Variants in GPX7 observed in about 807,000 individuals in gnomAD.
GPX7 encodes the protein glutathione peroxidase 7, also known as protein peroxidase GPX7.
A neutral mutation model predicts 23.7 loss-of-function variants in GPX7; 21 were observed. The ratio of observed to expected loss-of-function variants is 0.89; its 90% confidence interval spans 0.63 to 1.28. GPX7 has a LOEUF of 1.28. Ranked by LOEUF, GPX7 falls within the 50% of genes most tolerant of loss-of-function variation. The probability of loss-of-function intolerance (pLI) is 0.00; values close to 1 mark genes in which losing one functional copy is unlikely to be tolerated. For missense variants in GPX7, 238 were observed against 237.3 expected, an observed-to-expected ratio of 1.00 and a Z score of -0.02; for synonymous variants, 112 against 101.8, an observed-to-expected ratio of 1.10 and a Z score of -0.61.
rs1180847051 is a variant in GPX7, at chr1:52,609,020, G to A, written c.*595G>A. The A allele has an allele frequency of 1.3e-5, 2 of 152,216 alleles. No individual in the cohort carries two copies. The highest frequency in any genetic ancestry group is 2.9e-5 in the Non-Finnish European group (2 of 68,030). The allele number at this position is 152,216 out of a possible 1,614,324, so 9.4% of individuals were successfully genotyped here. On this transcript the variant is annotated 3_prime_UTR_variant, in exon 3 of 3. Coordinates refer to ENST00000361314, the MANE Select transcript of GPX7 (RefSeq NM_015696.5). The stretch of plus-strand genomic sequence containing the variant: ...TGTAACAATCCAAACAATACCTCAC[G>A]ATATAAAATAAAAATGAAAGTATCC...
chr1:52,603,170 T>C (rs1690820347), intron 1 of GPX7, among the ~76,000 whole-genome samples: 1 of 152,116 alleles, frequency 6.6e-6, no homozygotes, highest in Non-Finnish European at 1.5e-5. Context: ...TCCGGGGTCC[T>C]CTCTAGGCCA....
At chr1:52,607,971 T>C (rs1690872555) in intron 2 of GPX7, among the ~76,000 whole-genome samples, 1 of 152,124 alleles carries the variant, frequency 6.6e-6, no homozygotes. Flanking sequence ...GTGTAGACTA[T>C]TCAGTAGTTC....
In GPX7 at chr1:52,608,320, A is replaced by T. The variant is rs1690876343; in HGVS notation, c.459A>T (p.Gly153=). Residue 153 remains glycine (G), a synonymous_variant, in exon 3 of 3, where the codon GGA becomes GGT. Coordinates refer to ENST00000361314, the MANE Select transcript of GPX7 (RefSeq NM_015696.5). The part of the protein sequence containing the change: ...NFWKYLVAPD[G]KVVGAWDPTV... ...GGAAGTACCTAGTAGCCCCAGATGGAAAGGTGGTAGGGGCTTGGGACCCAA... is the reference window on the plus strand; with the variant it reads ...GGAAGTACCTAGTAGCCCCAGATGGTAAGGTGGTAGGGGCTTGGGACCCAA... 2 of 1,613,910 alleles carry T rather than the reference A, an allele frequency of 1.2e-6. No individual in the cohort carries two copies. Among genetic ancestry groups the T allele is most frequent in the Non-Finnish European group, 1.7e-6 (2 of 1,179,890 alleles).
intron 1 of GPX7, 32 bp from the exon 2 acceptor site, chr1:52,606,652 G>A: frequency 6.2e-7 from 1 of 1,601,114 alleles, no homozygotes; most frequent in Admixed American, 1.7e-5. Context: ...TGGCTTGTCT[G>A]GGCTTTGTTT....
Position 52,606,929 on chromosome 1 carries a change from C to T in GPX7, c.384C>T (p.Ala128=). The T allele has an allele frequency of 1.2e-6, 2 of 1,614,160 alleles. No homozygotes were observed. The highest frequency in any genetic ancestry group is 1.1e-5 in the South Asian group (1 of 91,080). The change falls in exon 2 of 3, where the codon GCC becomes GCT. Residue 128 remains alanine, a synonymous_variant. Transcript: ENST00000361314. ...TCACCGGTACTGGTGCCCATCCTGC[C>T]TTCAAGTACCTGGCCCGTAAGTCCT... is the stretch of plus-strand genomic sequence containing the variant. ...IAVTGTGAHP[A]FKYLAQTSGK... is the part of the protein sequence containing the mutation.
intron 1 of GPX7, 95 bp from the exon 2 acceptor site, chr1:52,606,589 G>T: frequency 7.3e-7 from 1 of 1,374,782 alleles, no homozygotes; most frequent in South Asian, 1.3e-5. Context: ...TAACTGTTGA[G>T]GGAGTCACAT....
chr1:52,602,593 T>G, intron 1 of GPX7, 46 bp downstream of exon 1: 1 of 1,304,994 alleles, frequency 7.7e-7, no homozygotes, highest in Non-Finnish European at 1.0e-6. Flanking sequence ...GGCCTCGCCC[T>G]GGCGGGGCCT....
rs769186923 is a variant in GPX7, at chr1:52,602,490, C to T, written c.81C>T (p.Asp27=). ...ACAQQEQDFY[D]FKAVNIRGKL... is the part of the protein sequence containing the mutation. Reference sequence around the variant, plus strand: ...CGCAGCAGGAGCAGGACTTCTACGACTTCAAGGCGGTCAACATCCGGGGCA... The same window carrying T: ...CGCAGCAGGAGCAGGACTTCTACGATTTCAAGGCGGTCAACATCCGGGGCA... The change falls in exon 1 of 3, where the codon GAC becomes GAT. Residue 27 remains aspartate (D), a synonymous_variant. Transcript: ENST00000361314. The T allele has an allele frequency of 1.9e-6, 3 of 1,561,178 alleles. No individual in the cohort carries two copies. The South Asian group carries it at 3.5e-5, about 18-fold the overall frequency.
intron 1 of GPX7, among the ~76,000 whole-genome samples, chr1:52,606,438 T>C (rs1690852537): frequency 6.6e-6 from 1 of 152,226 alleles, no homozygotes; most frequent in South Asian, 2.1e-4. Context: ...GATGTTCATG[T>C]ATGTGTGCAC....
chr1:52,608,153 G>A, intron 2 of GPX7, 109 bp from the exon 3 acceptor site: 1 of 988,624 alleles, frequency 1.0e-6, no homozygotes, highest in South Asian at 1.6e-5. Context: ...CTGGGGTGTG[G>A]ACTGGGCATC....
intron 1 of GPX7, among the ~76,000 whole-genome samples, chr1:52,604,981 GT>G (rs546227536): frequency 6.5e-4 from 98 of 150,104 alleles, no homozygotes; most frequent in African/African-American, 2.2e-3. Flanking sequence ...GGAGGTGGAG[GT>G]TGCAGTGAGC....
chr1:52,603,611 GTT>G (rs1558075201), intron 1 of GPX7, among the ~76,000 whole-genome samples: 1 of 152,166 alleles, frequency 6.6e-6, no homozygotes, highest in Non-Finnish European at 1.5e-5. Context: ...CCAGCGTCCA[GTT>G]TTGGATGAAC....
In GPX7 at chr1:52,604,914, G is replaced by A. The variant is rs1690838912; in HGVS notation, c.139-1770G>A. On this transcript the variant is annotated intron_variant, in intron 1 of 2. Coordinates refer to ENST00000361314, the MANE Select transcript of GPX7 (RefSeq NM_015696.5). ...ACAAAAATTAGCTGGGCATGGTGGC[G>A]TGTGCCTGTAATCCCAGCTACTCAG... is the stretch of plus-strand genomic sequence containing the variant. 7.2e-5 allele frequency among the ~76,000 whole-genome samples: 11 copies of A among 151,932 alleles called. No individual in the cohort carries two copies. In the South Asian group the frequency reaches 1.7e-3, roughly 23 times the overall value.
chr1:52,602,518 C>G lies in GPX7; in HGVS notation c.109C>G (p.Leu37Val), dbSNP rs535171478. The change falls in exon 1 of 3, where the codon CTG (leucine) becomes GTG (valine). Residue 37 changes from leucine to valine, a missense_variant. Physicochemically the swap from Leu to Val is conservative, Grantham distance 32 (BLOSUM62 1). Coordinates refer to ENST00000361314, the MANE Select transcript of GPX7 (RefSeq NM_015696.5). ...CAAGGCGGTCAACATCCGGGGCAAACTGGTGTCGCTGGAGAAGTACCGCGG... is the reference window on the plus strand; with the variant it reads ...CAAGGCGGTCAACATCCGGGGCAAAGTGGTGTCGCTGGAGAAGTACCGCGG... ...DFKAVNIRGK[L>V]VSLEKYRGSV... The G allele has an allele frequency of 6.4e-7, 1 of 1,564,282 alleles. No homozygotes were observed. The highest frequency in any genetic ancestry group is 8.6e-7 in the Non-Finnish European group (1 of 1,159,486).
intron 1 of GPX7, among the ~76,000 whole-genome samples, chr1:52,603,696 G>T (rs953484917): frequency 6.6e-6 from 1 of 152,178 alleles, no homozygotes; most frequent in Non-Finnish European, 1.5e-5. Context: ...TACTCTATAA[G>T]CCTTGAAATT....
chr1:52,608,315 G>A lies in GPX7; in HGVS notation c.454G>A (p.Asp152Asn). ...CTTCTGGAAGTACCTAGTAGCCCCA[G>A]ATGGAAAGGTGGTAGGGGCTTGGGA... ...WNFWKYLVAPDGKVVGAWDPT... is the reference protein window; with the variant it reads ...WNFWKYLVAPNGKVVGAWDPT... The change falls in exon 3 of 3, where the codon GAT (aspartate) becomes AAT (asparagine). Residue 152 changes from aspartate to asparagine, a missense_variant. By Grantham distance (23) the Asp-to-Asn change is conservative. Coordinates refer to ENST00000361314, the MANE Select transcript of GPX7 (RefSeq NM_015696.5). 6.2e-7 allele frequency: 1 copy of A among 1,614,022 alleles called. No homozygotes were observed. The highest frequency in any genetic ancestry group is 1.3e-5 in the African/African-American group (1 of 75,022).
At chr1:52,607,097 A>C in intron 2 of GPX7, 152 bp downstream of exon 2, 1 of 751,154 alleles carries the variant, frequency 1.3e-6, no homozygotes, top group Non-Finnish European at 2.3e-6. Context: ...TTCCAGCACT[A>C]ATCTTTGAGG....
Position 52,608,493 on chromosome 1 carries a change from A to C in GPX7, c.*68A>C. 2.2e-6 allele frequency: 3 copies of C among 1,362,580 alleles called. No individual in the cohort carries two copies. Among genetic ancestry groups the C allele is most frequent in the African/African-American group, 1.5e-5 (1 of 68,544 alleles). 84.4% of individuals were successfully genotyped at this position (1,362,580 alleles called of 1,614,324 possible). On this transcript the variant is annotated 3_prime_UTR_variant, in exon 3 of 3. Transcript: ENST00000361314. ...GTGGGGCTGACCAATGCAAACTCAA[A>C]TGGTGCTTCAAAGGGAGAGACCCAC...
At chr1:52,607,772 G>A (rs746522295) in intron 2 of GPX7, among the ~76,000 whole-genome samples, 1 of 152,014 alleles carries the variant, frequency 6.6e-6, no homozygotes, top group Non-Finnish European at 1.5e-5. Context: ...AGTTCTCACA[G>A]TTATAGATCA....
Sources: gnomAD v4.1 joint callset for allele counts (sites outside exome capture counted in the v4.1 genomes callset) on GRCh38, gnomAD v4.1.1 for gene constraint, MANE v1.5 for transcripts, NCBI Gene and HGNC (gene_info 2026-07-23, HGNC 2026-07-21) for gene names.